Variants in PDE1C observed in about 807,000 individuals in gnomAD.
The protein encoded by PDE1C is dual specificity calcium/calmodulin-dependent 3',5'-cyclic nucleotide phosphodiesterase 1C.
PDE1C carries 62 observed loss-of-function variants against 93.1 expected under a neutral mutation model. The observed-to-expected ratio is 0.67, with a 90% CI of 0.54 to 0.82. PDE1C has a LOEUF of 0.82. Ranked by LOEUF, PDE1C falls within the 40% of genes least tolerant of loss-of-function variation. The probability of loss-of-function intolerance (pLI) is 0.00; values close to 1 mark genes in which losing one functional copy is unlikely to be tolerated. For missense variants in PDE1C, 742 were observed against 884.6 expected, an observed-to-expected ratio of 0.84 and a Z score of 2.04; for synonymous variants, 325 against 310.1, an observed-to-expected ratio of 1.05 and a Z score of -0.50.
At chr7:32,339,857 T>G (rs1488779448) in intron 1 of PDE1C, among the ~76,000 whole-genome samples, 1 of 152,138 alleles carries the variant, frequency 6.6e-6, no homozygotes. Flanking sequence ...AGGGCCACCC[T>G]GCGGTGTAGG....
At chr7:32,369,654 G>C (rs908777306) in intron 1 of PDE1C, among the ~76,000 whole-genome samples, 2 of 152,150 alleles carry the variant, frequency 1.3e-5, no homozygotes, top group African/African-American at 2.4e-5. Context: ...CCAAAGAAAA[G>C]GAAATAAGTA....
intron 2 of PDE1C, among the ~76,000 whole-genome samples, chr7:32,199,359 C>T (rs1011522407): frequency 2.6e-5 from 4 of 152,158 alleles, no homozygotes; most frequent in Non-Finnish European, 4.4e-5. Flanking sequence ...GCCACTAGAT[C>T]TTTAGTTACT....
At chr7:31,784,216 A>T (rs917752) in intron 16 of PDE1C, 149,641 of 152,232 alleles carry the variant, frequency 0.98, 73,609 homozygotes, top group East Asian at 1. Flanking sequence ...TACAGACTCA[A>T]GGTGAGTAGG....
chr7:31,660,330 T>C, the PDE1C span, among the ~76,000 whole-genome samples: 1 of 152,194 alleles, frequency 6.6e-6, no homozygotes, highest in Non-Finnish European at 1.5e-5. Context: ...GGGATTTCCT[T>C]TATTTATGAT....
the PDE1C span, among the ~76,000 whole-genome samples, chr7:31,671,289 C>G: frequency 6.6e-6 from 1 of 152,160 alleles, no homozygotes; most frequent in African/African-American, 2.4e-5. Flanking sequence ...ACGGGGCCAG[C>G]ATGGATTCGT....
chr7:32,169,484 CAA>C (rs1802511163), intron 3 of PDE1C, among the ~76,000 whole-genome samples: 1 of 152,146 alleles, frequency 6.6e-6, no homozygotes, highest in Non-Finnish European at 1.5e-5. Context: ...TCCTTTGAAG[CAA>C]AAGACTCATT....
the PDE1C span, among the ~76,000 whole-genome samples, chr7:31,678,625 T>C: frequency 3.4e-3 from 520 of 152,336 alleles, 21 homozygotes; most frequent in Admixed American, 0.031. Flanking sequence ...GATAGTATTA[T>C]CTCAATACTC....
chr7:32,383,963 A>C (rs1209777932), intron 1 of PDE1C, among the ~76,000 whole-genome samples: 1 of 152,220 alleles, frequency 6.6e-6, no homozygotes, highest in African/African-American at 2.4e-5. Flanking sequence ...AGTCTCCAAA[A>C]GACTCAGAAT....
intron 1 of PDE1C, among the ~76,000 whole-genome samples, chr7:32,371,927 A>C (rs1784342531): frequency 6.6e-6 from 1 of 152,200 alleles, no homozygotes; most frequent in Admixed American, 6.5e-5. Context: ...CACCCTTCCC[A>C]ATTTCAAAAC....
intron 2 of PDE1C, among the ~76,000 whole-genome samples, chr7:32,050,960 A>G (rs1435209361): frequency 6.6e-6 from 1 of 152,230 alleles, no homozygotes; most frequent in Non-Finnish European, 1.5e-5. Context: ...GGTTAGGGCC[A>G]GTGACCACCT....
At chr7:31,711,693 C>A in the PDE1C span, among the ~76,000 whole-genome samples, 1 of 152,152 alleles carries the variant, frequency 6.6e-6, no homozygotes, top group African/African-American at 2.4e-5. Flanking sequence ...CTCAATCCTA[C>A]GTTTTAAGGA....
At chr7:31,721,138 A>T in the PDE1C span, among the ~76,000 whole-genome samples, 1 of 152,188 alleles carries the variant, frequency 6.6e-6, no homozygotes, top group African/African-American at 2.4e-5. Flanking sequence ...GGTCCATTGT[A>T]TCTGAAGCTC....
chr7:31,646,521 T>C, the PDE1C span, among the ~76,000 whole-genome samples: 2 of 152,082 alleles, frequency 1.3e-5, no homozygotes, highest in African/African-American at 4.8e-5. Flanking sequence ...TTATTCAGAA[T>C]AGGAGCAGAA....
At chr7:32,383,251 C>T (rs1784566422) in intron 1 of PDE1C, among the ~76,000 whole-genome samples, 1 of 152,156 alleles carries the variant, frequency 6.6e-6, no homozygotes, top group Non-Finnish European at 1.5e-5. Flanking sequence ...CCATAAGTAA[C>T]AATCACAAGA....
At chr7:32,089,214 G>T (rs1030083624) in intron 3 of PDE1C, among the ~76,000 whole-genome samples, 5 of 152,120 alleles carry the variant, frequency 3.3e-5, no homozygotes, top group African/African-American at 1.2e-4. Flanking sequence ...TTTATTTTTG[G>T]TATGTTGTAT....
intron 3 of PDE1C, among the ~76,000 whole-genome samples, chr7:32,102,815 C>G (rs1375799720): frequency 1.3e-5 from 2 of 152,184 alleles, no homozygotes; most frequent in African/African-American, 2.4e-5. Context: ...CATGGAGAAG[C>G]TGGTTTATTA....
chr7:32,194,841 A>G (rs1804503366), intron 2 of PDE1C, among the ~76,000 whole-genome samples: 1 of 151,372 alleles, frequency 6.6e-6, no homozygotes, highest in Non-Finnish European at 1.5e-5. Context: ...TTTATTTTTC[A>G]TTTATCTAGT....
chr7:31,997,086 G>A (rs1338595994), intron 2 of PDE1C, among the ~76,000 whole-genome samples: 1 of 152,144 alleles, frequency 6.6e-6, no homozygotes, highest in Non-Finnish European at 1.5e-5. Context: ...TAATAGGTGG[G>A]CAAATATTGA....
At chr7:32,321,350 G>T (rs527797079) in intron 1 of PDE1C, among the ~76,000 whole-genome samples, 1 of 152,334 alleles carries the variant, frequency 6.6e-6, no homozygotes, top group East Asian at 1.9e-4. Context: ...AAATGTAGGA[G>T]GAGAAGAATC....
Sources: allele counts gnomAD v4.1 joint callset (sites outside exome capture counted in the v4.1 genomes callset), GRCh38; gene constraint gnomAD v4.1.1; transcripts MANE v1.5; gene names NCBI Gene and HGNC (gene_info 2026-07-23, HGNC 2026-07-21).